XK: variants seen among roughly 807,000 people sequenced by gnomAD.
XK encodes the protein endoplasmic reticulum membrane adapter protein XK.
A neutral mutation model predicts 14.0 loss-of-function variants in XK; 2 were observed. The observed-to-expected ratio is 0.14, with a 90% CI of 0.06 to 0.45. The LOEUF is 0.45. Ranked by LOEUF, XK falls within the 20% of genes least tolerant of loss-of-function variation. The probability of loss-of-function intolerance (pLI) is 0.98; values close to 1 mark genes in which losing one functional copy is unlikely to be tolerated. For synonymous variants in XK, 149 were observed against 147.5 expected, an observed-to-expected ratio of 1.01 and a Z score of -0.08; for missense variants, 235 against 341.5, an observed-to-expected ratio of 0.69 and a Z score of 2.46.
rs1928023827 is a variant in XK, at chrX:37,728,489, C to T, written c.*27C>T. The T allele has an allele frequency of 8.4e-7, 1 of 1,184,251 alleles. No individual in the cohort carries two copies. The highest frequency in any genetic ancestry group is 1.1e-6 in the Non-Finnish European group (1 of 876,490). On this transcript the variant is annotated 3_prime_UTR_variant, in exon 3 of 3. Transcript: ENST00000378616. ...GGGACCCAAGGTCTCAGAGCACAGG[C>T]ATATTATTTTCTGGGTTTGATACTC...
intron 2 of XK, among the ~76,000 whole-genome samples, chrX:37,704,533 A>G (rs782069831): frequency 9.2e-6 from 1 of 109,189 alleles, no homozygotes; most frequent in Non-Finnish European, 1.9e-5. Context: ...TGAGACCACA[A>G]TTCTTAAAAA....
intron 2 of XK, among the ~76,000 whole-genome samples, chrX:37,716,053 G>T: frequency 8.9e-6 from 1 of 111,956 alleles, no homozygotes; most frequent in Non-Finnish European, 1.9e-5. Flanking sequence ...CCACACAAGG[G>T]TGTCTTGTCA....
chrX:37,726,458 A>T (rs111869416), intron 2 of XK, among the ~76,000 whole-genome samples: 2,046 of 111,689 alleles, frequency 0.018, 40 homozygotes, highest in African/African-American at 0.063. Context: ...AACGAGAGCC[A>T]GGCTGTCGGT....
At chrX:37,707,796 G>C (rs1349780206) in intron 2 of XK, among the ~76,000 whole-genome samples, 1 of 112,505 alleles carries the variant, frequency 8.9e-6, no homozygotes, top group African/African-American at 3.2e-5. Flanking sequence ...TCACTTCCCA[G>C]ATGGGGTGGC....
chrX:37,707,383 G>A (rs1927555225), intron 2 of XK, among the ~76,000 whole-genome samples: 1 of 109,813 alleles, frequency 9.1e-6, no homozygotes, highest in African/African-American at 3.3e-5. Context: ...GGTGGCTGCG[G>A]GTGGAGGGGC....
intron 1 of XK, among the ~76,000 whole-genome samples, chrX:37,692,889 G>A (rs150893564): frequency 9.0e-6 from 1 of 111,544 alleles, no homozygotes; most frequent in East Asian, 2.8e-4. Context: ...TGGTCTGTGT[G>A]GTTTTACATT....
At chrX:37,722,247 A>C (rs1490310189) in intron 2 of XK, among the ~76,000 whole-genome samples, 1 of 111,860 alleles carries the variant, frequency 8.9e-6, no homozygotes, top group Non-Finnish European at 1.9e-5. Context: ...ATGAACCCCC[A>C]TGCATCTATC....
rs1556440130 is a variant in XK, at chrX:37,686,084, G to A, written c.123G>A (p.Leu41=). The A allele has an allele frequency of 8.3e-7, 1 of 1,211,828 alleles. No individual in the cohort carries two copies. The highest frequency in any genetic ancestry group is 1.7e-5 in the African/African-American group (1 of 58,097). Residue 41 remains leucine, a synonymous_variant, in exon 1 of 3, where the codon TTG becomes TTA. Coordinates refer to ENST00000378616, the MANE Select transcript of XK (RefSeq NM_021083.4). Reference sequence around the variant, plus strand: ...ACCGCATGTGGCAGGCGCTGACGTTGCTTTTCTCGCTACTGCCTTGCGCGC... The same window carrying A: ...ACCGCATGTGGCAGGCGCTGACGTTACTTTTCTCGCTACTGCCTTGCGCGC... ...GGDRMWQALT[L]LFSLLPCALV...
At chrX:37,696,512 A>G (rs1184354440) in intron 2 of XK, among the ~76,000 whole-genome samples, 1 of 112,532 alleles carries the variant, frequency 8.9e-6, no homozygotes, top group Non-Finnish European at 1.9e-5. Context: ...GCTGCCATTT[A>G]TGCAGGTCTT....
At chrX:37,692,336 C>T (rs2146810584) in intron 1 of XK, among the ~76,000 whole-genome samples, 1 of 111,543 alleles carries the variant, frequency 9.0e-6, no homozygotes, top group South Asian at 3.8e-4. Context: ...CTGCATTCCC[C>T]ACAGCACTTA....
chrX:37,694,720 ACT>A (rs1927275954), intron 2 of XK, among the ~76,000 whole-genome samples, 172 bp downstream of exon 2: 3 of 111,978 alleles, frequency 2.7e-5, no homozygotes, highest in Non-Finnish European at 5.6e-5. Context: ...TTTGCTTATG[ACT>A]CTGCATTCTA....
chrX:37,728,099 A>G lies in XK; in HGVS notation c.972A>G (p.Arg324=), dbSNP rs1354013844. 3 of 1,209,629 alleles carry G rather than the reference A, an allele frequency of 2.5e-6. No homozygotes were observed. The African/African-American group carries it at 5.3e-5, about 21-fold the overall frequency. The change falls in exon 3 of 3, where the codon AGA becomes AGG. Residue 324 remains arginine, a synonymous_variant. Transcript: ENST00000378616. ...AGCTACTGGTGTATTACATGATAAG[A>G]TTCATCGAGAATGCCATCCTCCTCC... is the stretch of plus-strand genomic sequence containing the variant. ...WYQLLVYYMI[R]FIENAILLLL...
rs1556450951 is a variant in XK, at chrX:37,730,660, G to T, written c.*2198G>T. 1 of 112,561 alleles carries T rather than the reference G, an allele frequency of 8.9e-6. No homozygotes were observed. The highest frequency in any genetic ancestry group is 1.9e-5 in the Non-Finnish European group (1 of 53,282). 9.3% of individuals were successfully genotyped at this position (112,561 alleles called of 1,213,427 possible). A position where few individuals can be genotyped will look rare whatever the true frequency, so the allele number is the denominator to read the frequency against. On this transcript the variant is annotated 3_prime_UTR_variant, in exon 3 of 3. Transcript: ENST00000378616. The stretch of plus-strand genomic sequence containing the variant: ...CTTCAGCTCAGGCCTTGGGAGTGAG[G>T]TGTGGGAGTAGCCACCAGCCTCCCA...
chrX:37,706,843 G>A (rs1242875421), intron 2 of XK, among the ~76,000 whole-genome samples: 6 of 109,266 alleles, frequency 5.5e-5, no homozygotes, highest in African/African-American at 2.0e-4. Flanking sequence ...CTCTTAACGA[G>A]CATGCTGCCT....
Position 37,730,930 on chromosome X carries a change from T to C in XK, c.*2468T>C, listed in dbSNP as rs1401660103. Reference sequence around the variant, plus strand: ...ACAGAGATTTGGTAACTCATTTGGGTATTTTGTCAGTTTTAACCCTTAATA... The same window carrying C: ...ACAGAGATTTGGTAACTCATTTGGGCATTTTGTCAGTTTTAACCCTTAATA... On this transcript the variant is annotated 3_prime_UTR_variant, in exon 3 of 3. Transcript: ENST00000378616. 8.9e-6 allele frequency: 1 copy of C among 111,962 alleles called. No homozygotes were observed. Among genetic ancestry groups the C allele is most frequent in the Non-Finnish European group, 1.9e-5 (1 of 53,173 alleles). 9.2% of individuals were successfully genotyped at this position (111,962 alleles called of 1,213,427 possible).
At chrX:37,688,281 T>C (rs781802091) in intron 1 of XK, among the ~76,000 whole-genome samples, 21 of 109,813 alleles carry the variant, frequency 1.9e-4, no homozygotes, top group Non-Finnish European at 3.0e-4. Flanking sequence ...CCAGCCAGGA[T>C]GGTCTCAATC....
chrX:37,696,340 T>C (rs1556442462), intron 2 of XK, among the ~76,000 whole-genome samples: 1 of 112,769 alleles, frequency 8.9e-6, no homozygotes, highest in Non-Finnish European at 1.9e-5. Context: ...CATAATTCTG[T>C]TCAGGAAAAA....
chrX:37,705,451 CAA>C (rs201945450), intron 2 of XK, among the ~76,000 whole-genome samples: 4 of 84,920 alleles, frequency 4.7e-5, no homozygotes, highest in Admixed American at 1.3e-4. Flanking sequence ...GACTCTGTCT[CAA>C]AAAAAAAAAA....
At chrX:37,713,460 G>A (rs1556447171) in intron 2 of XK, among the ~76,000 whole-genome samples, 1 of 111,723 alleles carries the variant, frequency 9.0e-6, no homozygotes, top group African/African-American at 3.3e-5. Context: ...GACCCTACTT[G>A]TTGATAGGTG....
Sources: allele counts gnomAD v4.1 joint callset (sites outside exome capture counted in the v4.1 genomes callset), GRCh38; gene constraint gnomAD v4.1.1; transcripts MANE v1.5; gene names NCBI Gene and HGNC (gene_info 2026-07-23, HGNC 2026-07-21).